The following MAF variants were observed in gnomAD, a reference collection of about 807,000 sequenced individuals.
MAF encodes transcription factor Maf.
Under a neutral mutation model 22.0 loss-of-function variants are expected in MAF, and 10 were observed. That is an observed-to-expected ratio of 0.45 (90% CI 0.28 to 0.77). The LOEUF (loss-of-function observed/expected upper bound fraction) is 0.77, where lower values mean the gene tolerates loss of function less well. Among genes scored for constraint, MAF ranks in the 30% least tolerant of loss-of-function variants. The pLI is 0.12. For missense variants in MAF, 544 were observed against 548.4 expected, an observed-to-expected ratio of 0.99 and a Z score of 0.08; for synonymous variants, 337 against 255.8, an observed-to-expected ratio of 1.32 and a Z score of -3.03.
chr16:79,569,189 G>A, the MAF span, among the ~76,000 whole-genome samples: 28 of 152,284 alleles, frequency 1.8e-4, no homozygotes, highest in African/African-American at 5.8e-4. Flanking sequence ...ATCGAGGGTC[G>A]GATAACGCTT....
chr16:79,587,024 T>G (rs1912885725), intron 1 of MAF, among the ~76,000 whole-genome samples: 2 of 152,226 alleles, frequency 1.3e-5, no homozygotes, highest in African/African-American at 4.8e-5. Flanking sequence ...TTCTCTAGGC[T>G]GCTGTAACAG....
chr16:79,589,438 G>T (rs988015995), downstream of MAF, among the ~76,000 whole-genome samples: 1 of 151,958 alleles, frequency 6.6e-6, no homozygotes, highest in African/African-American at 2.4e-5. Context: ...TGGATTTCCC[G>T]CTTGCCTTTC....
the MAF span, among the ~76,000 whole-genome samples, chr16:79,408,940 A>AT: frequency 9.5e-6 from 1 of 105,004 alleles, no homozygotes; most frequent in Non-Finnish European, 1.8e-5. Flanking sequence ...AGAAGTAGGT[A>AT]TTTTTTACTG....
the MAF span, among the ~76,000 whole-genome samples, chr16:79,352,614 G>A: frequency 2.0e-5 from 3 of 152,186 alleles, no homozygotes; most frequent in African/African-American, 7.2e-5. Context: ...TTTAACCAAT[G>A]AAGAACCAAT....
the MAF span, chr16:79,211,560 C>A: frequency 1.2e-6 from 2 of 1,612,750 alleles, no homozygotes; most frequent in Non-Finnish European, 1.7e-6. Flanking sequence ...GCCATCTCAT[C>A]ACTCCTTTTC....
chr16:79,400,628 C>T, the MAF span, among the ~76,000 whole-genome samples: 6 of 152,236 alleles, frequency 3.9e-5, no homozygotes, highest in Non-Finnish European at 8.8e-5. Flanking sequence ...AAGAGATAAT[C>T]TGTGATCAAG....
chr16:79,341,358 C>A, the MAF span, among the ~76,000 whole-genome samples: 1 of 152,126 alleles, frequency 6.6e-6, no homozygotes, highest in Non-Finnish European at 1.5e-5. Flanking sequence ...GAAGTGGAAC[C>A]CCCAGCTTGG....
the MAF span, among the ~76,000 whole-genome samples, chr16:79,435,655 G>T: frequency 2.6e-5 from 4 of 152,256 alleles, no homozygotes; most frequent in South Asian, 6.2e-4. Flanking sequence ...CCTCTTCTCA[G>T]GGCATTTCTA....
chr16:79,282,588 C>T, the MAF span, among the ~76,000 whole-genome samples: 85 of 152,220 alleles, frequency 5.6e-4, no homozygotes, highest in African/African-American at 1.8e-3. Flanking sequence ...CCAAAGGCTA[C>T]GGTAACAGAA....
At chr16:79,212,127 T>C in the MAF span, 1 of 1,531,192 alleles carries the variant, frequency 6.5e-7, no homozygotes, top group Admixed American at 2.0e-5. Context: ...TGTTATAGAA[T>C]AGCCTGAGGT....
the MAF span, among the ~76,000 whole-genome samples, chr16:79,320,164 A>G: frequency 6.6e-6 from 1 of 152,032 alleles, no homozygotes; most frequent in Non-Finnish European, 1.5e-5. Flanking sequence ...GCATATGTGG[A>G]TTTTCTTTGG....
chr16:79,587,880 G>A (rs1484624964), intron 1 of MAF, among the ~76,000 whole-genome samples: 4 of 142,862 alleles, frequency 2.8e-5, no homozygotes, highest in Non-Finnish European at 6.1e-5. Flanking sequence ...GGGGGGGGGG[G>A]GTAGATACTA....
At chr16:79,363,124 T>A in the MAF span, among the ~76,000 whole-genome samples, 2 of 152,086 alleles carry the variant, frequency 1.3e-5, no homozygotes, top group African/African-American at 2.4e-5. Flanking sequence ...TATCTGAATA[T>A]CTATTAATTT....
At chr16:79,559,828 A>C in the MAF span, among the ~76,000 whole-genome samples, 1 of 152,208 alleles carries the variant, frequency 6.6e-6, no homozygotes, top group Non-Finnish European at 1.5e-5. Flanking sequence ...AAAACAAAGC[A>C]TGGATGCTTG....
At chr16:79,418,093 T>A in the MAF span, among the ~76,000 whole-genome samples, 30 of 152,140 alleles carry the variant, frequency 2.0e-4, no homozygotes, top group Non-Finnish European at 8.8e-5. Flanking sequence ...AGTGTGCAAC[T>A]GGCCTGAGGA....
chr16:79,293,398 G>GA, the MAF span, among the ~76,000 whole-genome samples: 2 of 152,298 alleles, frequency 1.3e-5, no homozygotes, highest in East Asian at 1.9e-4. Context: ...ACAGAGAAGA[G>GA]AAAATGAAAC....
the MAF span, among the ~76,000 whole-genome samples, chr16:79,221,046 C>A: frequency 6.6e-6 from 1 of 152,248 alleles, no homozygotes; most frequent in African/African-American, 2.4e-5. Context: ...ACAAGCTAAA[C>A]TTTGGGTCAG....
chr16:79,217,974 T>G, the MAF span, among the ~76,000 whole-genome samples: 1 of 111,684 alleles, frequency 9.0e-6, no homozygotes, highest in Non-Finnish European at 1.7e-5. Flanking sequence ...GCACCATTTT[T>G]AGAAGCTTAT....
chr16:79,547,363 C>T, the MAF span, among the ~76,000 whole-genome samples: 2 of 151,932 alleles, frequency 1.3e-5, no homozygotes, highest in African/African-American at 2.4e-5. Context: ...CTCCATGTAT[C>T]TACATCCCCC....
Sources: allele counts gnomAD v4.1 joint callset (sites outside exome capture counted in the v4.1 genomes callset), GRCh38; gene constraint gnomAD v4.1.1; transcripts MANE v1.5; gene names NCBI Gene and HGNC (gene_info 2026-07-23, HGNC 2026-07-21).